PTPRT: variants seen among roughly 807,000 people sequenced by gnomAD.
PTPRT encodes the protein receptor-type tyrosine-protein phosphatase T.
PTPRT carries 56 observed loss-of-function variants against 176.8 expected under a neutral mutation model. The observed-to-expected ratio is 0.32, with a 90% CI of 0.26 to 0.40. PTPRT has a LOEUF of 0.40. PTPRT is among the 10% of genes least tolerant of loss of function. PTPRT has a pLI of 1.00. For synonymous variants in PTPRT, 783 were observed against 739.0 expected (o/e 1.06, Z -0.96); for missense variants, 1,540 against 1,908.2 (o/e 0.81, Z 3.60).
At position 42,081,884 on chromosome 20, in the gene PTPRT, G is replaced by C; in HGVS notation, c.4270C>G (p.Leu1424Val). 3.7e-6 allele frequency: 6 copies of C among 1,614,222 alleles called. No homozygotes were observed. The highest frequency in any genetic ancestry group is 3.4e-6 in the Non-Finnish European group (4 of 1,180,034). The change falls in exon 30 of 31, where the codon CTG becomes GTG. Residue 1424 changes from leucine to valine, a missense_variant and splice_region_variant. This residue lies in a region of PTPRT where 342 missense variants were observed against 394.0 expected (regional missense o/e 0.87). Coordinates refer to ENST00000373187, the MANE Select transcript of PTPRT (RefSeq NM_007050.6). ...AGAACAGTCCTTGGGATACTCACCA[G>C]GGTCTCCACCATGTTGGATTTGTTG... is the stretch of plus-strand genomic sequence containing the variant. ...RNNKSNMVET[L>V]EQYKFVYEVA...
At chr20:42,261,370 T>G (rs975718974) in intron 13 of PTPRT, among the ~76,000 whole-genome samples, 4 of 149,132 alleles carry the variant, frequency 2.7e-5, no homozygotes, top group Non-Finnish European at 4.4e-5. Context: ...CCTTCTGACT[T>G]TATCTAAACT....
At chr20:42,394,340 C>G (rs1248034356) in intron 9 of PTPRT, among the ~76,000 whole-genome samples, 1 of 152,138 alleles carries the variant, frequency 6.6e-6, no homozygotes, top group Non-Finnish European at 1.5e-5. Flanking sequence ...ATCGGTTAAC[C>G]TATGGGCATG....
chr20:42,575,333 C>G (rs76027104), intron 7 of PTPRT, among the ~76,000 whole-genome samples: 7,025 of 152,228 alleles, frequency 0.046, 240 homozygotes, highest in Middle Eastern at 0.1. Flanking sequence ...GAAGAGGGGC[C>G]ATTTTCCCAG....
chr20:42,797,345 A>G (rs2077467562), intron 2 of PTPRT, among the ~76,000 whole-genome samples: 1 of 152,194 alleles, frequency 6.6e-6, no homozygotes, highest in African/African-American at 2.4e-5. Context: ...CTCACCATCC[A>G]ATAAAACAGT....
At chr20:43,032,072 C>T (rs1315497273) in intron 1 of PTPRT, among the ~76,000 whole-genome samples, 1 of 152,194 alleles carries the variant, frequency 6.6e-6, no homozygotes, top group Non-Finnish European at 1.5e-5. Flanking sequence ...GTACCAGGCA[C>T]TATCACCCAT....
chr20:42,111,668 T>C (rs918920518), intron 22 of PTPRT, among the ~76,000 whole-genome samples: 1 of 152,170 alleles, frequency 6.6e-6, no homozygotes, highest in African/African-American at 2.4e-5. Context: ...TTAATCCTGA[T>C]ATAAATCCCT....
rs764308678 is a variant in PTPRT at position 42,756,511 on chromosome 20, G to A, written c.810C>T (p.Arg270=). The A allele has an allele frequency of 1.9e-6, 3 of 1,610,858 alleles. No homozygotes were observed. Among genetic ancestry groups the A allele is most frequent in the Non-Finnish European group, 2.5e-6 (3 of 1,177,804 alleles). ...TGGACACACCAGACCCACCATCAGA[G>A]CGGATCACACAGCGGTACTTGCTGA... The part of the protein sequence containing the change: ...RSVSKYRCVI[R]SDGGSGVSNY... The change falls in exon 6 of 31, where the codon CGC becomes CGT. Residue 270 remains arginine (R), a synonymous_variant. Coordinates refer to ENST00000373187, the MANE Select transcript of PTPRT (RefSeq NM_007050.6).
At chr20:42,869,212 T>C (rs572994589) in intron 2 of PTPRT, among the ~76,000 whole-genome samples, 2 of 152,096 alleles carry the variant, frequency 1.3e-5, no homozygotes, top group South Asian at 2.1e-4. Flanking sequence ...ATTAGGGCAA[T>C]GTTCCATGGA....
rs567726665 is a variant in PTPRT, at chr20:42,278,312, G to A, written c.2176+4177C>T. On this transcript the variant is annotated intron_variant, in intron 13 of 30. Coordinates refer to ENST00000373187, the MANE Select transcript of PTPRT (RefSeq NM_007050.6). ...ATCTATTAAGGAGACATATATAGTA[G>A]CCAAAGCATTTCAGAGAGAGGGCAA... Among the ~76,000 whole-genome samples, 6 of 129,930 alleles carry A rather than the reference G, an allele frequency of 4.6e-5. No homozygotes were observed. The South Asian group carries it at 1.3e-3, about 29-fold the overall frequency. 85.2% of individuals were successfully genotyped at this position (129,930 alleles called of 152,430 possible).
chr20:42,769,580 C>T (rs1034265570), intron 5 of PTPRT, among the ~76,000 whole-genome samples: 3 of 152,092 alleles, frequency 2.0e-5, no homozygotes, highest in Non-Finnish European at 4.4e-5. Flanking sequence ...TAAAGTTAAA[C>T]ATATATCTAC....
Position 42,978,034 on chromosome 20 carries a change from G to C in PTPRT, c.89-92102C>G, listed in dbSNP as rs1300189613. Among the ~76,000 whole-genome samples, 5 of 151,944 alleles carry C rather than the reference G, an allele frequency of 3.3e-5. No homozygotes were observed. In the East Asian group the frequency reaches 9.7e-4, roughly 29 times the overall value. ...TAAACAAGATCTCCAGTGGATGCCT[G>C]GTGCATTGGATAGTACCCAACCTTA... On this transcript the variant is annotated intron_variant, in intron 1 of 30. Coordinates refer to ENST00000373187, the MANE Select transcript of PTPRT (RefSeq NM_007050.6).
intron 1 of PTPRT, among the ~76,000 whole-genome samples, chr20:43,141,318 C>T (rs562429463): frequency 2.6e-5 from 4 of 152,258 alleles, no homozygotes; most frequent in Admixed American, 6.5e-5. Context: ...CTGGTCGTGG[C>T]GAGGCTCAGT....
At chr20:43,114,381 C>A (rs1373300052) in intron 1 of PTPRT, among the ~76,000 whole-genome samples, 1 of 152,122 alleles carries the variant, frequency 6.6e-6, no homozygotes, top group Non-Finnish European at 1.5e-5. Flanking sequence ...AAGTCAATAA[C>A]CTTTTTGTAC....
intron 1 of PTPRT, among the ~76,000 whole-genome samples, chr20:43,148,605 T>A (rs1028395961): frequency 6.6e-6 from 1 of 152,186 alleles, no homozygotes; most frequent in Non-Finnish European, 1.5e-5. Flanking sequence ...ATTCCTGAGT[T>A]TCTTAAAAGA....
chr20:42,248,094 A>G (rs770966514), intron 14 of PTPRT, among the ~76,000 whole-genome samples: 1 of 152,184 alleles, frequency 6.6e-6, no homozygotes, highest in Non-Finnish European at 1.5e-5. Context: ...CCAGGGAGAC[A>G]TGCTTTTGAG....
chr20:42,202,019 G>C (rs1311921123), intron 15 of PTPRT, among the ~76,000 whole-genome samples: 1 of 148,964 alleles, frequency 6.7e-6, no homozygotes, highest in Non-Finnish European at 1.5e-5. Context: ...GCCTACACTG[G>C]AGTGCAGTGG....
At chr20:42,446,222 T>C (rs2070730334) in intron 9 of PTPRT, among the ~76,000 whole-genome samples, 1 of 152,170 alleles carries the variant, frequency 6.6e-6, no homozygotes, top group African/African-American at 2.4e-5. Flanking sequence ...ATGACAAAGT[T>C]GCCATCAATC....
chr20:42,623,907 A>G (rs1166441313), intron 7 of PTPRT, among the ~76,000 whole-genome samples: 2 of 151,810 alleles, frequency 1.3e-5, no homozygotes, highest in East Asian at 1.9e-4. Context: ...AGCCTCACCA[A>G]ACAGTATTCT....
chr20:42,556,310 C>T (rs2072859902), intron 7 of PTPRT, among the ~76,000 whole-genome samples: 1 of 152,146 alleles, frequency 6.6e-6, no homozygotes, highest in Non-Finnish European at 1.5e-5. Flanking sequence ...CCATCTCCTT[C>T]TCATCTTTTA....
Sources: gnomAD v4.1 joint callset for allele counts (sites outside exome capture counted in the v4.1 genomes callset) on GRCh38, gnomAD v4.1.1 for gene constraint, gnomAD v4.1.1 regional missense constraint, MANE v1.5 for transcripts, NCBI Gene and HGNC (gene_info 2026-07-23, HGNC 2026-07-21) for gene names.